ATAD3B: variants seen among roughly 807,000 people sequenced by gnomAD.
ATAD3B encodes ATPase family AAA domain containing 3B, also known as ATPase family AAA domain-containing protein 3B.
ATAD3B carries 59 observed loss-of-function variants against 70.2 expected under a neutral mutation model. The ratio of observed to expected loss-of-function variants is 0.84; its 90% CI spans 0.68 to 1.04. ATAD3B has a LOEUF of 1.04. Ranked by LOEUF, ATAD3B falls within the 50% of genes least tolerant of loss-of-function variation. The pLI is 0.00. For synonymous variants in ATAD3B, 423 were observed against 388.6 expected (o/e 1.09, Z -1.04); for missense variants, 961 against 913.4 (o/e 1.05, Z -0.67).
At chr1:1,480,207 C>A (rs1639836667) in intron 4 of ATAD3B, among the ~76,000 whole-genome samples, 1 of 122,358 alleles carries the variant, frequency 8.2e-6, no homozygotes, top group African/African-American at 3.2e-5. Context: ...CCCCCACACA[C>A]CCCCGCACCC....
intron 12 of ATAD3B, among the ~76,000 whole-genome samples, chr1:1,488,489 A>C (rs898609081): frequency 6.6e-6 from 1 of 151,528 alleles, no homozygotes; most frequent in African/African-American, 2.4e-5. Flanking sequence ...GGCCTGGCAC[A>C]GTGGCTCACG....
intron 12 of ATAD3B, among the ~76,000 whole-genome samples, chr1:1,488,568 G>A (rs1470872594): frequency 1.3e-5 from 2 of 152,150 alleles, no homozygotes; most frequent in East Asian, 1.9e-4. Context: ...AGACCAGCTT[G>A]GTCAATATGG....
rs1255027516 is a variant in ATAD3B at position 1,495,932 on chromosome 1, A to T, written c.*115A>T. On this transcript the variant is annotated 3_prime_UTR_variant, in exon 16 of 16. Transcript: ENST00000673477. Reference sequence around the variant, plus strand: ...AGGCTTTGTACCCCAGCCCCTGCCCAGGCCACTGTGAGGGTGGGTGCTGGC... The same window carrying T: ...AGGCTTTGTACCCCAGCCCCTGCCCTGGCCACTGTGAGGGTGGGTGCTGGC... 67 of 1,420,816 alleles carry T rather than the reference A, an allele frequency of 4.7e-5. No homozygotes were observed. The South Asian group carries it at 9.2e-4, about 20-fold the overall frequency. 88.0% of individuals were successfully genotyped at this position (1,420,816 alleles called of 1,614,324 possible).
rs188814487 is a variant in ATAD3B, at chr1:1,484,749, C to T, written c.751-267C>T. 2.6e-4 allele frequency: 243 copies of T among 925,138 alleles called. 3 individuals are homozygous for T. The highest frequency in any genetic ancestry group is 3.3e-4 in the Non-Finnish European group (217 of 649,416). 57.3% of individuals were successfully genotyped at this position (925,138 alleles called of 1,614,324 possible). A position where few individuals can be genotyped will look rare whatever the true frequency, so the allele number is the denominator to read the frequency against. On this transcript the variant is annotated intron_variant, in intron 7 of 15. Transcript: ENST00000673477. ...ATCCAGCTGGGTCTGCCCAGGGCCCCGCTCAGCGACCGAGGCTTTCTAGGA... is the reference window on the plus strand; with the variant it reads ...ATCCAGCTGGGTCTGCCCAGGGCCCTGCTCAGCGACCGAGGCTTTCTAGGA...
chr1:1,494,139 A>G (rs559707306), intron 15 of ATAD3B, among the ~76,000 whole-genome samples: 1 of 149,998 alleles, frequency 6.7e-6, no homozygotes, highest in South Asian at 2.1e-4. Flanking sequence ...CACATGGTGA[A>G]CATCATGTGT....
downstream of ATAD3B, among the ~76,000 whole-genome samples, chr1:1,498,399 A>T (rs1640853982): frequency 6.6e-6 from 1 of 151,874 alleles, no homozygotes; most frequent in Non-Finnish European, 1.5e-5. Context: ...TGGGAGGCAG[A>T]GGTGACAGCC....
At chr1:1,502,829 G>A (rs1640974915), downstream of ATAD3B, among the ~76,000 whole-genome samples, 1 of 151,278 alleles carries the variant, frequency 6.6e-6, no homozygotes, top group Non-Finnish European at 1.5e-5. Context: ...ATAACTTATA[G>A]CAAACTTTAC....
intron 13 of ATAD3B, 107 bp from the exon 14 acceptor site, chr1:1,490,150 T>G (rs999021558): frequency 5.3e-6 from 8 of 1,507,642 alleles, no homozygotes; most frequent in African/African-American, 4.2e-5. Flanking sequence ...AGCTGCCGCT[T>G]TAGATTCTCC....
At chr1:1,485,670 T>A (rs1380345110) in intron 8 of ATAD3B, 112 bp from the exon 9 acceptor site, 3 of 1,514,608 alleles carry the variant, frequency 2.0e-6, no homozygotes, top group African/African-American at 2.8e-5. Flanking sequence ...CGGTCCTGGC[T>A]GTGCTTTGGG....
chr1:1,479,642 C>A (rs1177487866), intron 4 of ATAD3B, among the ~76,000 whole-genome samples: 1 of 143,152 alleles, frequency 7.0e-6, no homozygotes, highest in South Asian at 2.3e-4. Context: ...ACAGCCCGCA[C>A]ACACACAGGT....
chr1:1,488,476 C>T lies in ATAD3B; in HGVS notation c.1266+562C>T, dbSNP rs1483748514. Among the ~76,000 whole-genome samples, 23 of 152,046 alleles carry T rather than the reference C, an allele frequency of 1.5e-4. 1 individual carries two copies. Among genetic ancestry groups the T allele is most frequent in the Admixed American group, 6.6e-5 (1 of 15,246 alleles). ...TTCTGAACTAAAGAAATTCACCGGC[C>T]TTGGCCTGGCACAGTGGCTCACGTG... On this transcript the variant is annotated intron_variant, in intron 12 of 15. Transcript: ENST00000673477.
Position 1,476,669 on chromosome 1 carries a change from C to T in ATAD3B, c.206-605C>T, listed in dbSNP as rs189214814. On this transcript the variant is annotated intron_variant, in intron 1 of 15. Coordinates refer to ENST00000673477, the MANE Select transcript of ATAD3B (RefSeq NM_031921.6). Reference sequence around the variant, plus strand: ...GACTACAAGTGCCCGCCGCCACGCCCGGCTAATTTTTTGTATTTTTAGTAG... The same window carrying T: ...GACTACAAGTGCCCGCCGCCACGCCTGGCTAATTTTTTGTATTTTTAGTAG... Among the ~76,000 whole-genome samples the T allele has an allele frequency of 3.8e-3, 574 of 151,736 alleles. 8 individuals are homozygous for T. Among genetic ancestry groups the T allele is most frequent in the Non-Finnish European group, 5.7e-3 (384 of 67,852 alleles).
chr1:1,478,198 T>C (rs971095937), intron 2 of ATAD3B: 11 of 345,430 alleles, frequency 3.2e-5, no homozygotes, highest in African/African-American at 1.5e-4. Context: ...GGGTTCAGCA[T>C]GTTGTCCAGG....
rs139902189 is a variant in ATAD3B, at chr1:1,495,605, C to A, written c.1735C>A (p.Arg579Ser). 2 of 1,612,976 alleles carry A rather than the reference C, an allele frequency of 1.2e-6. No homozygotes were observed. Among genetic ancestry groups the A allele is most frequent in the Non-Finnish European group, 1.7e-6 (2 of 1,179,444 alleles). Residue 579 changes from arginine (R) to serine (S), a missense_variant, in exon 16 of 16, where the codon CGC (arginine) becomes AGC (serine). This residue lies in a region of ATAD3B where 417 missense variants were observed against 335.0 expected (regional missense o/e 1.24). Transcript: ENST00000673477. ...CTGGCTGAAGGCGGAGGGGCCTGGGCGCGGGGTCGAGCACCCCCTATCCGG... is the reference window on the plus strand; with the variant it reads ...CTGGCTGAAGGCGGAGGGGCCTGGGAGCGGGGTCGAGCACCCCCTATCCGG... Reference protein sequence around the residue: ...MRWLKAEGPGRGVEHPLSGVQ... With the variant: ...MRWLKAEGPGSGVEHPLSGVQ...
the ATAD3B span, chr1:1,509,142 G>A: frequency 6.3e-7 from 1 of 1,576,644 alleles, no homozygotes; most frequent in African/African-American, 1.4e-5. Flanking sequence ...TCGGGGCCCT[G>A]GCGTGCATTT....
At position 1,496,101 on chromosome 1, in the gene ATAD3B, G is replaced by A; in HGVS notation, c.*284G>A. ...CTTCCAGCCATGGCCAGGGGCCACG[G>A]AACCCGGCAGGGGTGTCTGAGGCCG... On this transcript the variant is annotated 3_prime_UTR_variant, in exon 16 of 16. Coordinates refer to ENST00000673477, the MANE Select transcript of ATAD3B (RefSeq NM_031921.6). 2 of 1,188,778 alleles carry A rather than the reference G, an allele frequency of 1.7e-6. No homozygotes were observed. The highest frequency in any genetic ancestry group is 2.1e-6 in the Non-Finnish European group (2 of 956,366). 73.6% of individuals were successfully genotyped at this position (1,188,778 alleles called of 1,614,324 possible).
intron 15 of ATAD3B, 74 bp from the exon 16 acceptor site, chr1:1,495,411 C>T (rs1570283005): frequency 6.6e-7 from 1 of 1,523,540 alleles, no homozygotes. Context: ...CCCTCCCCAC[C>T]TCGGGGCCCT....
intron 10 of ATAD3B, 144 bp downstream of exon 10, chr1:1,486,379 G>A: frequency 6.3e-7 from 1 of 1,575,130 alleles, no homozygotes; most frequent in Admixed American, 1.9e-5. Context: ...GCTGGTGTGG[G>A]CAGCAGCGCC....
chr1:1,498,347 T>C (rs560431586), downstream of ATAD3B, among the ~76,000 whole-genome samples: 329 of 151,928 alleles, frequency 2.2e-3, 5 homozygotes, highest in African/African-American at 6.7e-3. Context: ...CATGTGCCTG[T>C]GGTCCCAGCT....
Sources: allele counts gnomAD v4.1 joint callset (sites outside exome capture counted in the v4.1 genomes callset), GRCh38; gene constraint gnomAD v4.1.1; regional missense constraint gnomAD v4.1.1; transcripts MANE v1.5; gene names NCBI Gene and HGNC (gene_info 2026-07-23, HGNC 2026-07-21).